NIBAN1: variants seen among roughly 807,000 people sequenced by gnomAD.
NIBAN1 encodes the protein niban apoptosis regulator 1.
In NIBAN1, 81 loss-of-function variants were observed where a neutral mutation model predicts 75.1. The ratio of observed to expected loss-of-function variants is 1.08; its 90% CI spans 0.90 to 1.30. The LOEUF (loss-of-function observed/expected upper bound fraction) is 1.30. Among genes scored for constraint, NIBAN1 ranks in the 50% most tolerant of loss-of-function variants. The pLI is 0.00. For synonymous variants in NIBAN1, 436 were observed against 424.8 expected (o/e 1.03, Z -0.32); for missense variants, 1,133 against 1,128.1 (o/e 1.00, Z -0.06).
Position 184,937,915 on chromosome 1 carries a change from C to T in NIBAN1, c.55+36387G>A, listed in dbSNP as rs1414715335. Among the ~76,000 whole-genome samples, 6 of 152,192 alleles carry T rather than the reference C, an allele frequency of 3.9e-5. No individual in the cohort carries two copies. The East Asian group carries it at 7.7e-4, about 20-fold the overall frequency. ...TGCAGGTGCAAGGAGCATGTGAGTC[C>T]GGGTGAGGGACTGCGGGAGCTTGAC... On this transcript the variant is annotated intron_variant, in intron 1 of 13. Coordinates refer to ENST00000367511, the MANE Select transcript of NIBAN1 (RefSeq NM_052966.4).
intron 10 of NIBAN1, 43 bp downstream of exon 10, chr1:184,808,031 T>C: frequency 6.2e-7 from 1 of 1,610,614 alleles, no homozygotes; most frequent in Non-Finnish European, 8.5e-7. Flanking sequence ...TTCTCTGCTC[T>C]CTCTTTACCC....
chr1:184,807,590 C>T (rs1455717278), intron 10 of NIBAN1, among the ~76,000 whole-genome samples: 3 of 152,094 alleles, frequency 2.0e-5, no homozygotes, highest in Admixed American at 6.5e-5. Context: ...GAGTTTGAGA[C>T]CAGCCTGGCC....
At chr1:184,936,875 G>A (rs11800838) in intron 1 of NIBAN1, among the ~76,000 whole-genome samples, 3,577 of 152,096 alleles carry the variant, frequency 0.024, 120 homozygotes, top group African/African-American at 0.081. Context: ...ACATCTTTGG[G>A]GAGCATTCTT....
chr1:184,901,803 G>A (rs763706336), intron 1 of NIBAN1, among the ~76,000 whole-genome samples: 107 of 152,242 alleles, frequency 7.0e-4, no homozygotes, highest in Middle Eastern at 3.4e-3. Context: ...TGAGAAAAAT[G>A]CTTCTGTAAT....
intron 5 of NIBAN1, among the ~76,000 whole-genome samples, chr1:184,861,720 G>T: frequency 6.8e-6 from 1 of 146,440 alleles, no homozygotes; most frequent in Non-Finnish European, 1.5e-5. Flanking sequence ...AAGGGGAAAA[G>T]GAGAGAAGGA....
At position 184,952,500 on chromosome 1, in the gene NIBAN1, T is replaced by C. The variant is rs759490139; in HGVS notation, c.55+21802A>G. Among the ~76,000 whole-genome samples, 14 of 152,226 alleles carry C rather than the reference T, an allele frequency of 9.2e-5. 1 individual carries two copies. The highest frequency in any genetic ancestry group is 2.2e-4 in the African/African-American group (9 of 41,452). ...AGTCTTTGGGATTCCCCGGGCCACA[T>C]TGGAAGAAGAAGAATTGTCTTGGGC... On this transcript the variant is annotated intron_variant, in intron 1 of 13. Coordinates refer to ENST00000367511, the MANE Select transcript of NIBAN1 (RefSeq NM_052966.4).
chr1:184,943,282 C>T (rs1214080005), intron 1 of NIBAN1, among the ~76,000 whole-genome samples: 1 of 152,044 alleles, frequency 6.6e-6, no homozygotes, highest in African/African-American at 2.4e-5. Context: ...AATGGAAAAA[C>T]AAGGGGTTTA....
At chr1:184,869,818 G>T (rs577446467) in intron 5 of NIBAN1, among the ~76,000 whole-genome samples, 3 of 152,186 alleles carry the variant, frequency 2.0e-5, no homozygotes, top group African/African-American at 7.2e-5. Context: ...CTAGGATTAC[G>T]GGCGTGAGCC....
At chr1:184,805,781 G>C in intron 11 of NIBAN1, 165 bp downstream of exon 11, 1 of 615,522 alleles carries the variant, frequency 1.6e-6, no homozygotes. Flanking sequence ...AGGCATGGAA[G>C]TCACACTGGA....
intron 3 of NIBAN1, among the ~76,000 whole-genome samples, chr1:184,891,328 G>A (rs1029733286): frequency 2.6e-5 from 4 of 152,048 alleles, no homozygotes; most frequent in Admixed American, 2.6e-4. Flanking sequence ...ATAATTGAGG[G>A]CTCCCCATGA....
chr1:184,853,660 T>C lies in NIBAN1; in HGVS notation c.602-21698A>G, dbSNP rs572925755. On this transcript the variant is annotated intron_variant, in intron 5 of 13. Transcript: ENST00000367511. ...CACTTTTCTTCCCTTTCCATGCTCC[T>C]TATCCTTCCCACTGAATCTTCTCCC... Among the ~76,000 whole-genome samples, 113 of 152,250 alleles carry C rather than the reference T, an allele frequency of 7.4e-4. 1 individual carries two copies. Among genetic ancestry groups the C allele is most frequent in the Non-Finnish European group, 1.4e-3 (92 of 68,004 alleles).
intron 1 of NIBAN1, among the ~76,000 whole-genome samples, chr1:184,917,368 AT>A (rs1168037153): frequency 0.46 from 40,499 of 88,836 alleles, 8,645 homozygotes; most frequent in South Asian, 0.54. Flanking sequence ...CGCCCGGCTA[AT>A]TTTTTTTTTT....
intron 1 of NIBAN1, among the ~76,000 whole-genome samples, chr1:184,907,898 G>C (rs1158259834): frequency 6.6e-6 from 1 of 152,126 alleles, no homozygotes; most frequent in African/African-American, 2.4e-5. Flanking sequence ...TTAAAAATAA[G>C]AGACATAAAA....
At chr1:184,922,783 T>C (rs971700387) in intron 1 of NIBAN1, among the ~76,000 whole-genome samples, 18 of 152,146 alleles carry the variant, frequency 1.2e-4, no homozygotes, top group African/African-American at 4.3e-4. Context: ...ATTTTTGTAT[T>C]TTTAGTAGAG....
chr1:184,903,773 T>C (rs1469246077), intron 1 of NIBAN1, among the ~76,000 whole-genome samples: 3 of 147,370 alleles, frequency 2.0e-5, no homozygotes. Context: ...TCTCAATCTG[T>C]CACCCAGGCT....
At chr1:184,827,496 C>CT (rs1195513559) in intron 6 of NIBAN1, among the ~76,000 whole-genome samples, 1 of 150,690 alleles carries the variant, frequency 6.6e-6, no homozygotes, top group Non-Finnish European at 1.5e-5. Flanking sequence ...AAGGAATTCC[C>CT]TAGCCTCTTC....
Position 184,796,014 on chromosome 1 carries a change from T to C in NIBAN1, c.1750A>G (p.Thr584Ala). 6.2e-7 allele frequency: 1 copy of C among 1,612,136 alleles called. No homozygotes were observed. Among genetic ancestry groups the C allele is most frequent in the Non-Finnish European group, 8.5e-7 (1 of 1,179,860 alleles). Residue 584 changes from threonine (T) to alanine (A), a missense_variant, in exon 14 of 14, where the codon ACA becomes GCA. Physicochemically the swap from Thr to Ala is moderately conservative, Grantham distance 58 (BLOSUM62 0). Transcript: ENST00000367511. ...ALPSESVSSL[T>A]DLKPPTGSNQ... is the part of the protein sequence containing the mutation. ...GACCCTGTGGGGGGCTTTAGATCTG[T>C]TAAGCTGGACACACTTTCACTGGGC...
chr1:184,832,003 T>G, intron 5 of NIBAN1, 41 bp from the exon 6 acceptor site: 1 of 1,442,010 alleles, frequency 6.9e-7, no homozygotes. Flanking sequence ...GATAAAACAC[T>G]CTAGATTTCC....
chr1:184,807,623 T>A (rs1654242122), intron 10 of NIBAN1, among the ~76,000 whole-genome samples: 1 of 152,146 alleles, frequency 6.6e-6, no homozygotes, highest in Non-Finnish European at 1.5e-5. Context: ...ACCCCATCTC[T>A]ACTAAAAATA....
Sources: gnomAD v4.1 joint callset for allele counts (sites outside exome capture counted in the v4.1 genomes callset) on GRCh38, gnomAD v4.1.1 for gene constraint, MANE v1.5 for transcripts, NCBI Gene and HGNC (gene_info 2026-07-23, HGNC 2026-07-21) for gene names.